Variants in ECHDC1 observed in about 807,000 individuals in gnomAD.
ECHDC1 encodes the protein ethylmalonyl-CoA decarboxylase 1, also known as ethylmalonyl-CoA decarboxylase.
In ECHDC1, 29 loss-of-function variants were observed where a neutral mutation model predicts 29.7. The ratio of observed to expected loss-of-function variants is 0.98; its 90% CI spans 0.73 to 1.33. The LOEUF (loss-of-function observed/expected upper bound fraction) is 1.33, where lower values mean the gene tolerates loss of function less well. Ranked by LOEUF, ECHDC1 falls within the 40% of genes most tolerant of loss-of-function variation. The probability of loss-of-function intolerance (pLI) is 0.00; values close to 1 mark genes in which losing one functional copy is unlikely to be tolerated. For missense variants in ECHDC1, 328 were observed against 350.0 expected (o/e 0.94, Z 0.50); for synonymous variants, 126 against 123.1 (o/e 1.02, Z -0.15).
intron 1 of ECHDC1, among the ~76,000 whole-genome samples, chr6:127,338,309 T>A (rs1295168902): frequency 2.0e-5 from 3 of 152,138 alleles, no homozygotes; most frequent in Non-Finnish European, 4.4e-5. Flanking sequence ...TATGCACACA[T>A]AAAGCAAAAA....
intron 3 of ECHDC1, among the ~76,000 whole-genome samples, chr6:127,320,524 A>G (rs1782751007): frequency 6.6e-6 from 1 of 152,172 alleles, no homozygotes; most frequent in African/African-American, 2.4e-5. Flanking sequence ...TAAATGCCAG[A>G]CTTTTCCTTG....
intron 5 of ECHDC1, among the ~76,000 whole-genome samples, chr6:127,292,297 T>G (rs1582922087): frequency 6.6e-6 from 1 of 152,072 alleles, no homozygotes; most frequent in East Asian, 1.9e-4. Flanking sequence ...GTAAGCACAT[T>G]CATATTTGGA....
intron 5 of ECHDC1, among the ~76,000 whole-genome samples, chr6:127,312,774 A>G (rs1468722796): frequency 6.6e-6 from 1 of 152,202 alleles, no homozygotes; most frequent in African/African-American, 2.4e-5. Flanking sequence ...TGGAAAATGC[A>G]AAAACACAGA....
In ECHDC1 at chr6:127,290,286, G is replaced by A. The variant is rs1310696510; in HGVS notation, c.498-9C>T. 5.0e-6 allele frequency: 8 copies of A among 1,597,406 alleles called. No homozygotes were observed. In the Admixed American group the frequency reaches 9.0e-5, roughly 18 times the overall value. ...TCTCTGGAGTCATTAACCTGTAAAAGAAAAAAGAAAAGCTTAATTGTAACT... is the reference window on the plus strand; with the variant it reads ...TCTCTGGAGTCATTAACCTGTAAAAAAAAAAAGAAAAGCTTAATTGTAACT... On this transcript the variant is annotated splice_polypyrimidine_tract_variant and intron_variant, in intron 5 of 5. Coordinates refer to ENST00000454859, the MANE Select transcript of ECHDC1 (RefSeq NM_001002030.2).
chr6:127,305,713 A>T (rs1781387921), intron 5 of ECHDC1, among the ~76,000 whole-genome samples: 1 of 152,216 alleles, frequency 6.6e-6, no homozygotes, highest in South Asian at 2.1e-4. Flanking sequence ...TTATCCAAAC[A>T]ATGTTCAGTT....
rs1782233965 is a variant in ECHDC1, at chr6:127,314,894, A to C, written c.419T>G (p.Leu140Arg). The C allele has an allele frequency of 6.2e-7, 1 of 1,611,474 alleles. No individual in the cohort carries two copies. Among genetic ancestry groups the C allele is most frequent in the Non-Finnish European group, 8.5e-7 (1 of 1,178,724 alleles). ...MQNTLTRFMR[L>R]PLISVALVQG... ...AACCAGCGCAACACTTATTAAAGGA[A>C]GTCTGTATATTGAAGAAAAAACTGA... The change falls in exon 5 of 6, where the codon CTT becomes CGT. Residue 140 changes from leucine to arginine, a missense_variant and splice_region_variant. Leu to Arg is a moderately radical substitution (Grantham distance 102, BLOSUM62 -2). Transcript: ENST00000454859.
At chr6:127,317,589 A>C (rs1782492736) in intron 3 of ECHDC1, among the ~76,000 whole-genome samples, 1 of 152,178 alleles carries the variant, frequency 6.6e-6, no homozygotes, top group Non-Finnish European at 1.5e-5. Context: ...ATGTTTAGAA[A>C]GATGAAAATA....
At chr6:127,303,579 A>G (rs939059226) in intron 5 of ECHDC1, among the ~76,000 whole-genome samples, 2 of 152,222 alleles carry the variant, frequency 1.3e-5, no homozygotes, top group Non-Finnish European at 2.9e-5. Flanking sequence ...TGACGCCAGC[A>G]GAGGTTGGTT....
At chr6:127,318,672 C>G (rs9482786) in intron 3 of ECHDC1, among the ~76,000 whole-genome samples, 78 of 152,192 alleles carry the variant, frequency 5.1e-4, no homozygotes, top group Non-Finnish European at 1.1e-3. Flanking sequence ...TAGGTCTAGA[C>G]AGTAAGTCCC....
At chr6:127,325,486 C>G (rs549029181) in intron 3 of ECHDC1, among the ~76,000 whole-genome samples, 1 of 152,214 alleles carries the variant, frequency 6.6e-6, no homozygotes, top group Non-Finnish European at 1.5e-5. Context: ...TCAATGTATA[C>G]AACTTGATGA....
In ECHDC1 at chr6:127,331,002, G is replaced by A. The variant is rs142314959; in HGVS notation, c.27C>T (p.Ala9=). Residue 9 remains alanine, a synonymous_variant, in exon 2 of 6, where the codon GCC becomes GCT. Transcript: ENST00000454859. ...GCAATTTTGTCCTTCCAGACAGAGA[G>A]GCTGTCTTCAAAAGACTTTTCGCCA... is the stretch of plus-strand genomic sequence containing the variant. MAKSLLKT[A]SLSGRTKLLH... 41 of 1,613,414 alleles carry A rather than the reference G, an allele frequency of 2.5e-5. No individual in the cohort carries two copies. In the African/African-American group the frequency reaches 4.8e-4, roughly 19 times the overall value.
At chr6:127,327,353 T>C (rs1422535207) in intron 2 of ECHDC1, among the ~76,000 whole-genome samples, 1 of 152,200 alleles carries the variant, frequency 6.6e-6, no homozygotes, top group East Asian at 1.9e-4. Flanking sequence ...TGTAAATTTA[T>C]TATGTGTCTA....
At chr6:127,335,406 G>A (rs1001837207) in intron 1 of ECHDC1, among the ~76,000 whole-genome samples, 3 of 151,994 alleles carry the variant, frequency 2.0e-5, no homozygotes, top group African/African-American at 4.8e-5. Context: ...GTGACCTAAT[G>A]CATTATATTT....
At chr6:127,325,903 A>C (rs1358350919) in intron 3 of ECHDC1, among the ~76,000 whole-genome samples, 1 of 152,012 alleles carries the variant, frequency 6.6e-6, no homozygotes, top group African/African-American at 2.4e-5. Context: ...AGGACTGGCT[A>C]TGTTGTCCAG....
intron 1 of ECHDC1, among the ~76,000 whole-genome samples, chr6:127,332,331 AT>A (rs1784033304): frequency 6.6e-6 from 1 of 152,206 alleles, no homozygotes; most frequent in African/African-American, 2.4e-5. Flanking sequence ...GCTGTATTCT[AT>A]TTGTGAACCC....
chr6:127,319,133 G>A (rs1250226358), intron 3 of ECHDC1, among the ~76,000 whole-genome samples: 2 of 152,138 alleles, frequency 1.3e-5, no homozygotes, highest in Non-Finnish European at 2.9e-5. Flanking sequence ...TCATTCAAAA[G>A]ACAAAAGGCA....
At position 127,288,999 on chromosome 6, in the gene ECHDC1, G is replaced by A. The variant is rs1454144196; in HGVS notation, c.*870C>T. On this transcript the variant is annotated 3_prime_UTR_variant, in exon 6 of 6. Coordinates refer to ENST00000454859, the MANE Select transcript of ECHDC1 (RefSeq NM_001002030.2). ...TTGACTTTCACATTTTTTAAAAAGT[G>A]TATTGCTGGGATCATAAACATTTTA... The A allele has an allele frequency of 6.6e-6, 1 of 152,002 alleles. No individual in the cohort carries two copies. Among genetic ancestry groups the A allele is most frequent in the Non-Finnish European group, 1.5e-5 (1 of 67,966 alleles). 9.4% of individuals were successfully genotyped at this position (152,002 alleles called of 1,614,324 possible).
At chr6:127,326,966 A>G in intron 3 of ECHDC1, 36 bp downstream of exon 3, 1 of 1,593,700 alleles carries the variant, frequency 6.3e-7, no homozygotes, top group Non-Finnish European at 8.6e-7. Flanking sequence ...TCTAATAAAC[A>G]TGTAGAATCA....
chr6:127,323,686 G>T (rs1336796398), intron 3 of ECHDC1, among the ~76,000 whole-genome samples: 2 of 152,096 alleles, frequency 1.3e-5, no homozygotes, highest in Admixed American at 6.5e-5. Flanking sequence ...TTAACCAAAA[G>T]ATTCTTCCTC....
Sources: gnomAD v4.1 joint callset for allele counts (sites outside exome capture counted in the v4.1 genomes callset) on GRCh38, gnomAD v4.1.1 for gene constraint, MANE v1.5 for transcripts, NCBI Gene and HGNC (gene_info 2026-07-23, HGNC 2026-07-21) for gene names.